TMEM44: variants seen among roughly 807,000 people sequenced by gnomAD.
TMEM44 encodes the protein transmembrane protein 44.
TMEM44 carries 43 observed loss-of-function variants against 47.8 expected under a neutral mutation model. The ratio of observed to expected loss-of-function variants is 0.90; its 90% CI spans 0.70 to 1.16. The LOEUF (loss-of-function observed/expected upper bound fraction) is 1.16. Among genes scored for constraint, TMEM44 ranks in the 50% most tolerant of loss-of-function variants. The probability of loss-of-function intolerance (pLI) is 0.00; values close to 1 mark genes in which losing one functional copy is unlikely to be tolerated. For missense variants in TMEM44, 568 were observed against 555.2 expected (o/e 1.02, Z -0.23); for synonymous variants, 277 against 238.8 (o/e 1.16, Z -1.48).
chr3:194,615,622 G>A lies in TMEM44; in HGVS notation c.859C>T (p.Pro287Ser), dbSNP rs1435597507. 1.2e-6 allele frequency: 2 copies of A among 1,614,126 alleles called. No homozygotes were observed. Among genetic ancestry groups the A allele is most frequent in the South Asian group, 1.1e-5 (1 of 91,084 alleles). Reference protein sequence around the residue: ...LGFAKEARESPDTQALLTCAE... With the variant: ...LGFAKEARESSDTQALLTCAE... ...CAGGTCAAAAGGGCTTGGGTGTCAG[G>A]GCTCTCTCTGGCTTCCTTGGCAAAT... The change falls in exon 7 of 10, where the codon CCT (proline) becomes TCT (serine). Residue 287 changes from proline (P) to serine (S), a missense_variant. By Grantham distance (74) the Pro-to-Ser change is moderately conservative. Transcript: ENST00000347147.
rs1414165611 is a variant in TMEM44, at chr3:194,587,933, GT to G, written c.*595del. 2 of 152,608 alleles carry G rather than the reference GT, an allele frequency of 1.3e-5. No individual in the cohort carries two copies. The highest frequency in any genetic ancestry group is 4.8e-5 in the African/African-American group (2 of 41,462). 9.5% of individuals were successfully genotyped at this position (152,608 alleles called of 1,614,324 possible). ...GGAGGAAGTCCTGGTACCCGGAGCA[GT>G]TTGCTTTGTTTTTGCAGTGTCAGTG... On this transcript the variant is annotated 3_prime_UTR_variant, in exon 10 of 10. Coordinates refer to ENST00000347147, the MANE Select transcript of TMEM44 (RefSeq NM_001011655.3).
intron 5 of TMEM44, among the ~76,000 whole-genome samples, chr3:194,618,976 A>C (rs1373637711): frequency 1.3e-5 from 2 of 152,202 alleles, no homozygotes; most frequent in Non-Finnish European, 2.9e-5. Context: ...GGTGGAGACG[A>C]CGCCCTTTCC....
chr3:194,624,088 G>A (rs1399056288), intron 3 of TMEM44, among the ~76,000 whole-genome samples: 1 of 152,202 alleles, frequency 6.6e-6, no homozygotes, highest in Non-Finnish European at 1.5e-5. Flanking sequence ...TACAAGCATC[G>A]ACCCGTGAAT....
In TMEM44 at chr3:194,610,983, C is replaced by A. The variant is rs558611986; in HGVS notation, c.950G>T (p.Cys317Phe). 1.2e-6 allele frequency: 2 copies of A among 1,613,998 alleles called. No individual in the cohort carries two copies. The highest frequency in any genetic ancestry group is 2.2e-5 in the South Asian group (2 of 91,002). Reference protein sequence around the residue: ...DWVPLTTLSHCKSLRTMTAIS... With the variant: ...DWVPLTTLSHFKSLRTMTAIS... ...TGCTGTCATTGTCCTCAGTGACTTG[C>A]AGTGTGACAGTGTGGTGAGAGGCAC... Residue 317 changes from cysteine to phenylalanine, a missense_variant, in exon 8 of 10, where the codon TGC (cysteine) becomes TTC (phenylalanine). Coordinates refer to ENST00000347147, the MANE Select transcript of TMEM44 (RefSeq NM_001011655.3).
intron 7 of TMEM44, 109 bp downstream of exon 7, chr3:194,615,460 C>T: frequency 6.8e-7 from 1 of 1,467,904 alleles, no homozygotes; most frequent in South Asian, 1.3e-5. Context: ...GCAGAGAACA[C>T]TCGGCAGGCA....
Position 194,592,931 on chromosome 3 carries a change from G to A in TMEM44, c.1177-4292C>T, listed in dbSNP as rs78716104. 2.8e-3 allele frequency: 3,694 copies of A among 1,340,352 alleles called. 63 individuals carry two copies. The highest frequency in any genetic ancestry group is 0.024 in the African/African-American group (1,622 of 68,940). 83.0% of individuals were successfully genotyped at this position (1,340,352 alleles called of 1,614,324 possible). ...CCTGGCCTGACATTCTTTTTTTACT[G>A]AAGGAATTTGTCATGGGTCTAGCCA... On this transcript the variant is annotated intron_variant, in intron 9 of 9. Coordinates refer to ENST00000347147, the MANE Select transcript of TMEM44 (RefSeq NM_001011655.3).
intron 2 of TMEM44, among the ~76,000 whole-genome samples, chr3:194,627,552 G>A (rs1457835179): frequency 6.6e-6 from 1 of 152,200 alleles, no homozygotes; most frequent in Admixed American, 6.5e-5. Flanking sequence ...GCTGGGGCTG[G>A]GTCAAAGCTC....
intron 9 of TMEM44, among the ~76,000 whole-genome samples, chr3:194,600,529 A>G (rs576615613): frequency 5.9e-5 from 9 of 152,114 alleles, no homozygotes; most frequent in African/African-American, 2.2e-4. Flanking sequence ...TGGGCAGGTC[A>G]CGAGGTCAGG....
chr3:194,595,626 A>ATTTTT lies in TMEM44; in HGVS notation c.1177-6992_1177-6988dup, dbSNP rs1183156467. 2.1e-5 allele frequency among the ~76,000 whole-genome samples: 3 copies of ATTTTT among 145,476 alleles called. 1 individual carries two copies. On this transcript the variant is annotated intron_variant, in intron 9 of 9. Coordinates refer to ENST00000347147, the MANE Select transcript of TMEM44 (RefSeq NM_001011655.3). ...ACACCAGCTTCAGTTCTCATTCTCTATTTTTTTTTTTTTTTTTGAGATGGA... is the reference window on the plus strand; with the variant it reads ...ACACCAGCTTCAGTTCTCATTCTCTATTTTTTTTTTTTTTTTTTTTTTGAGATGGA...
At chr3:194,616,613 C>G (rs986323773) in intron 6 of TMEM44, 5 of 456,628 alleles carry the variant, frequency 1.1e-5, no homozygotes, top group Admixed American at 7.0e-5. Context: ...GAAGATTCCC[C>G]TCTTAGCGCC....
chr3:194,613,091 A>C (rs1213143075), intron 7 of TMEM44, among the ~76,000 whole-genome samples: 2 of 152,264 alleles, frequency 1.3e-5, no homozygotes, highest in African/African-American at 4.8e-5. Context: ...CAATAAAAGG[A>C]GACGCATTAA....
At chr3:194,630,523 G>A (rs1717687209) in intron 1 of TMEM44, among the ~76,000 whole-genome samples, 1 of 31,538 alleles carries the variant, frequency 3.2e-5, no homozygotes, top group Non-Finnish European at 6.1e-5. Context: ...TCCAGAAGGG[G>A]CTGGCTGTTT....
intron 7 of TMEM44, among the ~76,000 whole-genome samples, chr3:194,613,727 C>T (rs1190160538): frequency 6.7e-6 from 1 of 149,814 alleles, no homozygotes; most frequent in East Asian, 2.0e-4. Context: ...CTCCTGACCT[C>T]ATGATGCACC....
intron 7 of TMEM44, among the ~76,000 whole-genome samples, chr3:194,612,811 C>T (rs549814497): frequency 0.013 from 1,920 of 152,192 alleles, 29 homozygotes; most frequent in Admixed American, 0.021. Context: ...ACTACAGGCA[C>T]CCGCCACCGC....
At chr3:194,604,242 A>G in intron 9 of TMEM44, 45 bp downstream of exon 9, 1 of 1,558,538 alleles carries the variant, frequency 6.4e-7, no homozygotes, top group Non-Finnish European at 8.7e-7. Flanking sequence ...AGTGTCGGCG[A>G]ACGATGGCAC....
At chr3:194,614,580 T>C (rs1296233047) in intron 7 of TMEM44, among the ~76,000 whole-genome samples, 1 of 152,098 alleles carries the variant, frequency 6.6e-6, no homozygotes, top group Non-Finnish European at 1.5e-5. Flanking sequence ...ATTTTTTTTG[T>C]ATTTTTGGTA....
intron 9 of TMEM44, among the ~76,000 whole-genome samples, chr3:194,596,305 G>A (rs1713403215): frequency 6.6e-6 from 1 of 152,198 alleles, no homozygotes; most frequent in African/African-American, 2.4e-5. Context: ...CAGTCCAGGA[G>A]GAAGTAACGA....
chr3:194,588,441 G>A lies in TMEM44; in HGVS notation c.*88C>T, dbSNP rs781246503. ...TGCCAGGGCAGCTTCAGTTCCTGCC[G>A]CGGTGTCAGTGCAGATTGATTCCCG... On this transcript the variant is annotated 3_prime_UTR_variant, in exon 10 of 10. Transcript: ENST00000347147. The A allele has an allele frequency of 1.2e-5, 14 of 1,168,676 alleles. No homozygotes were observed. The highest frequency in any genetic ancestry group is 6.6e-5 in the South Asian group (5 of 75,348). 72.4% of individuals were successfully genotyped at this position (1,168,676 alleles called of 1,614,324 possible). A position where few individuals can be genotyped will look rare whatever the true frequency, so the allele number is the denominator to read the frequency against.
chr3:194,602,539 T>C (rs1387566556), intron 9 of TMEM44, among the ~76,000 whole-genome samples: 1 of 151,030 alleles, frequency 6.6e-6, no homozygotes, highest in Admixed American at 6.6e-5. Context: ...GAGGCGGAGG[T>C]TGCAGTGAGC....
Sources: allele counts gnomAD v4.1 joint callset (sites outside exome capture counted in the v4.1 genomes callset), GRCh38; gene constraint gnomAD v4.1.1; transcripts MANE v1.5; gene names NCBI Gene and HGNC (gene_info 2026-07-23, HGNC 2026-07-21).